Variants in MLIP observed in about 807,000 individuals in gnomAD.
MLIP encodes muscular LMNA-interacting protein.
A neutral mutation model predicts 84.8 loss-of-function variants in MLIP; 79 were observed. That is an observed-to-expected ratio of 0.93 (90% CI 0.78 to 1.12). MLIP has a LOEUF of 1.12. MLIP is among the 50% of genes most tolerant of loss of function. The pLI, the probability that MLIP is intolerant of heterozygous loss-of-function variation, is 0.00. For synonymous variants in MLIP, 504 were observed against 463.0 expected (o/e 1.09, Z -1.14); for missense variants, 1,257 against 1,160.6 (o/e 1.08, Z -1.21).
rs754811097 is a variant in MLIP, at chr6:54,124,786, A to C, written c.566A>C (p.Lys189Thr). The C allele has an allele frequency of 1.1e-5, 17 of 1,614,042 alleles. No individual in the cohort carries two copies. Among genetic ancestry groups the C allele is most frequent in the Admixed American group, 1.7e-5 (1 of 60,006 alleles). ...SSLVSDVVRP[K>T]TQGTDLKTSS... ...CTGGTCTCTGATGTAGTGCGTCCCA[A>C]AACACAGGGGACTGATCTCAAGACC... The change falls in exon 3 of 14, where the codon AAA becomes ACA. Residue 189 changes from lysine to threonine, a missense_variant. By Grantham distance (78) the Lys-to-Thr change is moderately conservative (BLOSUM62 -1). Coordinates refer to ENST00000502396, the MANE Select transcript of MLIP (RefSeq NM_001281747.2).
At chr6:54,147,904 T>C (rs1020594115) in intron 4 of MLIP, among the ~76,000 whole-genome samples, 1 of 152,100 alleles carries the variant, frequency 6.6e-6, no homozygotes, top group Non-Finnish European at 1.5e-5. Context: ...AAGAAAACAG[T>C]GAAAAAGAGA....
At chr6:54,190,856 T>C (rs1296058487) in intron 10 of MLIP, among the ~76,000 whole-genome samples, 9 of 150,318 alleles carry the variant, frequency 6.0e-5, no homozygotes, top group South Asian at 4.2e-4. Context: ...AGTGCAGTGG[T>C]GCGATCTCGG....
intron 1 of MLIP, among the ~76,000 whole-genome samples, chr6:54,025,396 A>T (rs1763743536): frequency 6.6e-6 from 1 of 152,218 alleles, no homozygotes; most frequent in South Asian, 2.1e-4. Context: ...TAAGTAATAA[A>T]TGCAAATTAA....
At chr6:54,084,578 G>A (rs1262942456) in intron 1 of MLIP, among the ~76,000 whole-genome samples, 2 of 152,124 alleles carry the variant, frequency 1.3e-5, no homozygotes, top group Non-Finnish European at 2.9e-5. Flanking sequence ...GTGGATATGT[G>A]TACATATACA....
chr6:54,160,185 A>G (rs1774469846), intron 5 of MLIP, among the ~76,000 whole-genome samples, 182 bp from the exon 6 acceptor site: 1 of 152,028 alleles, frequency 6.6e-6, no homozygotes, highest in Admixed American at 6.6e-5. Context: ...CTCAAGATGG[A>G]TTAAACACTT....
At chr6:54,171,226 G>T (rs1775741743) in intron 9 of MLIP, among the ~76,000 whole-genome samples, 1 of 151,570 alleles carries the variant, frequency 6.6e-6, no homozygotes, top group African/African-American at 2.4e-5. Context: ...TTTAATTAAA[G>T]TAGGTTAACT....
chr6:54,156,798 A>T (rs1774079111), intron 5 of MLIP, among the ~76,000 whole-genome samples: 1 of 152,146 alleles, frequency 6.6e-6, no homozygotes, highest in South Asian at 2.1e-4. Context: ...GCCTACAAAG[A>T]TAAATATCAT....
At chr6:54,182,601 C>A (rs1193002365) in intron 9 of MLIP, among the ~76,000 whole-genome samples, 1 of 152,116 alleles carries the variant, frequency 6.6e-6, no homozygotes. Context: ...CTTGCTCCAC[C>A]CCTCAGGGAT....
At chr6:54,165,408 C>G (rs1418408614) in intron 8 of MLIP, among the ~76,000 whole-genome samples, 1 of 151,896 alleles carries the variant, frequency 6.6e-6, no homozygotes, top group East Asian at 1.9e-4. Context: ...CTATAGTTAA[C>G]TATTTTCTCC....
intron 10 of MLIP, among the ~76,000 whole-genome samples, chr6:54,201,303 G>C (rs1399278907): frequency 6.6e-6 from 1 of 152,142 alleles, no homozygotes; most frequent in Admixed American, 6.6e-5. Flanking sequence ...GTGTGTGTGA[G>C]GGAATCTGGT....
At chr6:54,119,245 T>C (rs1425607954) in intron 1 of MLIP, among the ~76,000 whole-genome samples, 1 of 152,236 alleles carries the variant, frequency 6.6e-6, no homozygotes, top group Non-Finnish European at 1.5e-5. Context: ...CACTCTTATG[T>C]TATTACAGCA....
intron 10 of MLIP, among the ~76,000 whole-genome samples, chr6:54,197,573 T>C (rs1169102752): frequency 6.6e-6 from 1 of 152,160 alleles, no homozygotes; most frequent in African/African-American, 2.4e-5. Flanking sequence ...GAGAATCTTC[T>C]CATTTTTTTT....
chr6:54,154,618 G>A (rs971368293), intron 5 of MLIP, among the ~76,000 whole-genome samples: 4 of 152,210 alleles, frequency 2.6e-5, no homozygotes, highest in Admixed American at 6.5e-5. Flanking sequence ...TCCCTGTTCC[G>A]TACTGTACAG....
chr6:54,152,328 T>G (rs1407233), intron 5 of MLIP, among the ~76,000 whole-genome samples: 55,225 of 152,052 alleles, frequency 0.36, 11,681 homozygotes, highest in African/African-American at 0.58. Flanking sequence ...ATGGACTTTA[T>G]TTTTAGTCTT....
chr6:54,258,226 A>C (rs1324723773), intron 13 of MLIP, among the ~76,000 whole-genome samples: 2 of 152,120 alleles, frequency 1.3e-5, no homozygotes, highest in Admixed American at 1.3e-4. Flanking sequence ...AACAAGCATA[A>C]TATAAAAGAG....
At chr6:54,148,969 C>A in intron 4 of MLIP, 87 bp from the exon 5 acceptor site, 1 of 1,081,032 alleles carries the variant, frequency 9.3e-7, no homozygotes, top group Non-Finnish European at 1.4e-6. Flanking sequence ...GATAACGTAT[C>A]ATTTAACTTG....
intron 13 of MLIP, among the ~76,000 whole-genome samples, chr6:54,257,926 A>T (rs1783120469): frequency 6.6e-6 from 1 of 152,146 alleles, no homozygotes; most frequent in Non-Finnish European, 1.5e-5. Flanking sequence ...ATAAGTAAAA[A>T]GTAAATTCAA....
chr6:54,231,552 C>A (rs969119857), intron 12 of MLIP, among the ~76,000 whole-genome samples: 33 of 152,064 alleles, frequency 2.2e-4, no homozygotes, highest in African/African-American at 7.3e-5. Flanking sequence ...GGAATTGAAT[C>A]ATAAATGTTT....
At chr6:54,147,502 T>C (rs1452693411) in intron 4 of MLIP, among the ~76,000 whole-genome samples, 1 of 152,096 alleles carries the variant, frequency 6.6e-6, no homozygotes, top group Non-Finnish European at 1.5e-5. Context: ...TTGCCGCTCA[T>C]GTAGGAGATG....
Sources: allele counts gnomAD v4.1 joint callset (sites outside exome capture counted in the v4.1 genomes callset), GRCh38; gene constraint gnomAD v4.1.1; transcripts MANE v1.5; gene names NCBI Gene and HGNC (gene_info 2026-07-23, HGNC 2026-07-21).